FOXN2: variants seen among roughly 807,000 people sequenced by gnomAD.
FOXN2 encodes forkhead box protein N2.
A neutral mutation model predicts 41.2 loss-of-function variants in FOXN2; 19 were observed. The ratio of observed to expected loss-of-function variants is 0.46; its 90% confidence interval spans 0.32 to 0.68. The LOEUF (loss-of-function observed/expected upper bound fraction) is 0.68, where lower values mean the gene tolerates loss of function less well. Ranked by LOEUF, FOXN2 falls within the 30% of genes least tolerant of loss-of-function variation. The pLI is 0.03. For missense variants in FOXN2, 587 were observed against 509.4 expected (o/e 1.15, Z -1.47); for synonymous variants, 195 against 176.8 (o/e 1.10, Z -0.82).
chr2:48,324,047 A>G (rs540505743), intron 1 of FOXN2, among the ~76,000 whole-genome samples: 1 of 152,064 alleles, frequency 6.6e-6, no homozygotes, highest in Non-Finnish European at 1.5e-5. Flanking sequence ...TATTTTAAAA[A>G]TTTTCTTTTG....
rs186122629 is a variant in FOXN2 at position 48,322,168 on chromosome 2, G to A, written c.-156-6393G>A. On this transcript the variant is annotated intron_variant, in intron 1 of 6. Coordinates refer to ENST00000340553, the MANE Select transcript of FOXN2 (RefSeq NM_002158.4). ...TCACCGTGTTGGCCAGGCTGGTCTCGAACTCCTGACCTCAGGTGATCTGCC... is the reference window on the plus strand; with the variant it reads ...TCACCGTGTTGGCCAGGCTGGTCTCAAACTCCTGACCTCAGGTGATCTGCC... 2.2e-3 allele frequency among the ~76,000 whole-genome samples: 342 copies of A among 152,228 alleles called. 2 individuals are homozygous for A. The highest frequency in any genetic ancestry group is 3.5e-3 in the Non-Finnish European group (237 of 68,004).
intron 2 of FOXN2, among the ~76,000 whole-genome samples, chr2:48,333,429 A>G (rs1052482882): frequency 2.6e-5 from 4 of 152,120 alleles, no homozygotes; most frequent in Non-Finnish European, 5.9e-5. Flanking sequence ...TACTTCTGAC[A>G]TTATAGTAAT....
At position 48,373,339 on chromosome 2, in the gene FOXN2, A is replaced by G. The variant is rs763730905; in HGVS notation, c.751A>G (p.Ile251Val). 33 of 1,585,154 alleles carry G rather than the reference A, an allele frequency of 2.1e-5. No individual in the cohort carries two copies. The highest frequency in any genetic ancestry group is 4.1e-5 in the African/African-American group (3 of 72,782). ...TGCAATGATGCTTTTAAATACTTCT[A>G]TAGAACAAGGAATTTTAGAATGTAA... Reference protein sequence around the residue: ...AAAMMLLNTSIEQGILECEKP... With the variant: ...AAAMMLLNTSVEQGILECEKP... Residue 251 changes from isoleucine (I) to valine (V), a missense_variant, in exon 6 of 7, where the codon ATA (isoleucine) becomes GTA (valine). By Grantham distance (29) the Ile-to-Val change is conservative. Transcript: ENST00000340553.
At chr2:48,372,892 A>G (rs116209854) in intron 5 of FOXN2, among the ~76,000 whole-genome samples, 3,761 of 151,806 alleles carry the variant, frequency 0.025, 69 homozygotes, top group African/African-American at 0.057. Flanking sequence ...GCAGATATGC[A>G]TAGGTAATGA....
intron 1 of FOXN2, among the ~76,000 whole-genome samples, chr2:48,317,081 T>TTA (rs1237911289): frequency 6.6e-6 from 1 of 152,066 alleles, no homozygotes; most frequent in Non-Finnish European, 1.5e-5. Context: ...CATAAAATAC[T>TTA]TATATAAGGC....
At chr2:48,357,679 A>AC (rs1671892394) in intron 3 of FOXN2, among the ~76,000 whole-genome samples, 1 of 151,766 alleles carries the variant, frequency 6.6e-6, no homozygotes, top group Non-Finnish European at 1.5e-5. Flanking sequence ...ACAAGCAATC[A>AC]CCTTCGCCGG....
intron 1 of FOXN2, among the ~76,000 whole-genome samples, chr2:48,315,698 A>G (rs562699689): frequency 2.0e-5 from 3 of 152,184 alleles, no homozygotes; most frequent in South Asian, 2.1e-4. Context: ...TCCGTGCTCC[A>G]TCCTCCACTA....
At chr2:48,362,554 C>G in intron 4 of FOXN2, 89 bp from the exon 5 acceptor site, 2 of 1,129,012 alleles carry the variant, frequency 1.8e-6, no homozygotes, top group East Asian at 2.4e-5. Flanking sequence ...GGGCGGCCAG[C>G]AGAGTGAGAG....
chr2:48,344,813 G>A (rs2104361492), intron 2 of FOXN2, among the ~76,000 whole-genome samples: 1 of 145,656 alleles, frequency 6.9e-6, no homozygotes, highest in African/African-American at 2.6e-5. Context: ...TGCCATCTAT[G>A]TCTTAAGCAA....
chr2:48,326,559 G>A (rs1457206141), intron 1 of FOXN2, among the ~76,000 whole-genome samples: 2 of 152,186 alleles, frequency 1.3e-5, no homozygotes, highest in Non-Finnish European at 2.9e-5. Flanking sequence ...GTGTGTGGTT[G>A]TGCAGAACAC....
At chr2:48,363,850 C>T (rs1221981709) in intron 5 of FOXN2, among the ~76,000 whole-genome samples, 5 of 152,198 alleles carry the variant, frequency 3.3e-5, no homozygotes, top group Non-Finnish European at 7.3e-5. Context: ...ATGATGTTCA[C>T]ACAGTGACAA....
chr2:48,357,275 T>C (rs887299842), intron 3 of FOXN2, among the ~76,000 whole-genome samples: 3 of 152,146 alleles, frequency 2.0e-5, no homozygotes, highest in Non-Finnish European at 2.9e-5. Flanking sequence ...GCAACTCTAC[T>C]GTGATCAAAA....
rs570632099 is a variant in FOXN2, at chr2:48,355,554, A to AT, written c.538-3481dup. Among the ~76,000 whole-genome samples, 289 of 147,898 alleles carry AT rather than the reference A, an allele frequency of 2.0e-3. 1 individual carries two copies. The highest frequency in any genetic ancestry group is 5.8e-3 in the South Asian group (27 of 4,670). On this transcript the variant is annotated intron_variant, in intron 3 of 6. Coordinates refer to ENST00000340553, the MANE Select transcript of FOXN2 (RefSeq NM_002158.4). ...CAAGTAGATTTGGGAATGCATGTGG[A>AT]TTTTTTTTTTTTAATTTATGAAATG...
chr2:48,359,548 C>G (rs1672038911), intron 4 of FOXN2, among the ~76,000 whole-genome samples: 1 of 152,194 alleles, frequency 6.6e-6, no homozygotes, highest in East Asian at 1.9e-4. Context: ...CCCACCTCTG[C>G]CTCCCAAAGT....
At chr2:48,372,719 T>A (rs1672986092) in intron 5 of FOXN2, among the ~76,000 whole-genome samples, 1 of 152,106 alleles carries the variant, frequency 6.6e-6, no homozygotes, top group South Asian at 2.1e-4. Flanking sequence ...AAATTTGTCG[T>A]ACATGTAGGC....
chr2:48,322,274 C>A (rs981259353), intron 1 of FOXN2, among the ~76,000 whole-genome samples: 5 of 152,060 alleles, frequency 3.3e-5, no homozygotes, highest in African/African-American at 1.2e-4. Flanking sequence ...TTAATAGCAG[C>A]AGTTTATTTT....
At chr2:48,342,996 T>A (rs1349871071) in intron 2 of FOXN2, among the ~76,000 whole-genome samples, 1 of 152,246 alleles carries the variant, frequency 6.6e-6, no homozygotes, top group East Asian at 1.9e-4. Flanking sequence ...CCATTTAAAT[T>A]ACTTATGAGA....
At chr2:48,373,139 TATATA>T (rs750649830) in intron 5 of FOXN2, among the ~76,000 whole-genome samples, 148 bp from the exon 6 acceptor site, 11 of 152,176 alleles carry the variant, frequency 7.2e-5, no homozygotes, top group Non-Finnish European at 1.5e-4. Context: ...TTCAGAATAA[TATATA>T]ATATCTCATT....
At chr2:48,314,950 C>T (rs1025691862) in intron 1 of FOXN2, 136 bp downstream of exon 1, 1 of 151,970 alleles carries the variant, frequency 6.6e-6, no homozygotes, top group Admixed American at 6.6e-5. Flanking sequence ...CCGTGACGCG[C>T]CCGGACATTT....
Sources: allele counts gnomAD v4.1 joint callset (sites outside exome capture counted in the v4.1 genomes callset), GRCh38; gene constraint gnomAD v4.1.1; transcripts MANE v1.5; gene names NCBI Gene and HGNC (gene_info 2026-07-23, HGNC 2026-07-21).